Variants in CHST3 observed in about 807,000 individuals in gnomAD.
CHST3 encodes the protein carbohydrate sulfotransferase 3.
Under a neutral mutation model 35.4 loss-of-function variants are expected in CHST3, and 20 were observed. That is an observed-to-expected ratio of 0.57 (90% confidence interval 0.40 to 0.82). The LOEUF is 0.82. Ranked by LOEUF, CHST3 falls within the 40% of genes least tolerant of loss-of-function variation. The pLI, the probability that CHST3 is intolerant of heterozygous loss-of-function variation, is 0.00. For missense variants in CHST3, 693 were observed against 670.1 expected (o/e 1.03, Z -0.38); for synonymous variants, 334 against 295.9 (o/e 1.13, Z -1.32).
intron 1 of CHST3, among the ~76,000 whole-genome samples, chr10:71,989,910 T>C (rs1351669253): frequency 6.6e-6 from 1 of 152,224 alleles, no homozygotes; most frequent in Admixed American, 6.5e-5. Context: ...CTCCAGAACT[T>C]CCTCTTTCTT....
intron 1 of CHST3, among the ~76,000 whole-genome samples, chr10:71,966,127 G>A (rs1275188820): frequency 6.6e-6 from 1 of 152,166 alleles, no homozygotes; most frequent in Non-Finnish European, 1.5e-5. Context: ...GGGTGGGTAA[G>A]TGGAGAAAGA....
At chr10:72,002,570 C>T (rs1840003990) in intron 1 of CHST3, among the ~76,000 whole-genome samples, 1 of 152,234 alleles carries the variant, frequency 6.6e-6, no homozygotes, top group African/African-American at 2.4e-5. Flanking sequence ...TACAAGGTTG[C>T]ACAGCATGGT....
chr10:71,970,114 C>T (rs1485402709), intron 1 of CHST3, among the ~76,000 whole-genome samples: 1 of 152,150 alleles, frequency 6.6e-6, no homozygotes, highest in Admixed American at 6.5e-5. Context: ...CACGCTTCAG[C>T]CCTCTGTCTC....
chr10:71,999,191 T>C (rs1348588114), intron 1 of CHST3, among the ~76,000 whole-genome samples: 1 of 152,074 alleles, frequency 6.6e-6, no homozygotes, highest in Non-Finnish European at 1.5e-5. Flanking sequence ...AAGAACAAAA[T>C]TAAAAAATAA....
At chr10:71,991,675 G>A (rs1432729448) in intron 1 of CHST3, among the ~76,000 whole-genome samples, 1 of 152,174 alleles carries the variant, frequency 6.6e-6, no homozygotes, top group African/African-American at 2.4e-5. Context: ...GCTCGCACCT[G>A]TAATACCAGC....
chr10:71,968,064 C>T (rs1839649819), intron 1 of CHST3, among the ~76,000 whole-genome samples: 1 of 151,440 alleles, frequency 6.6e-6, no homozygotes, highest in East Asian at 1.9e-4. Context: ...GATCTGCTCA[C>T]CTCAGCCCCG....
At chr10:72,005,676 G>A in intron 1 of CHST3, 60 bp from the exon 2 acceptor site, 1 of 797,860 alleles carries the variant, frequency 1.3e-6, no homozygotes, top group Non-Finnish European at 2.0e-6. Context: ...CTGGTGGAGA[G>A]ACATCCTCTG....
At chr10:71,985,636 C>T (rs1839841079) in intron 1 of CHST3, among the ~76,000 whole-genome samples, 3 of 152,214 alleles carry the variant, frequency 2.0e-5, no homozygotes, top group Admixed American at 1.3e-4. Context: ...GAAACCCTGC[C>T]TCCTGTTGTG....
intron 1 of CHST3, among the ~76,000 whole-genome samples, chr10:72,003,562 G>A (rs1433310648): frequency 6.6e-6 from 1 of 152,126 alleles, no homozygotes; most frequent in African/African-American, 2.4e-5. Flanking sequence ...TTAGCTGGGA[G>A]TGGTGGCACA....
intron 1 of CHST3, among the ~76,000 whole-genome samples, chr10:72,004,154 C>G (rs148989229): frequency 3.3e-5 from 5 of 152,072 alleles, no homozygotes; most frequent in African/African-American, 9.7e-5. Flanking sequence ...GACGACAGAG[C>G]GAGACTCCAT....
At chr10:71,970,700 C>T (rs1206289335) in intron 1 of CHST3, among the ~76,000 whole-genome samples, 2 of 152,214 alleles carry the variant, frequency 1.3e-5, no homozygotes, top group African/African-American at 4.8e-5. Context: ...CAGACGGTGA[C>T]GTCTTGGTTG....
At chr10:71,969,880 G>A (rs7894831) in intron 1 of CHST3, among the ~76,000 whole-genome samples, 9,003 of 152,256 alleles carry the variant, frequency 0.059, 861 homozygotes, top group African/African-American at 0.2. Context: ...TGCTGCGAAG[G>A]AACACTCAGA....
At chr10:71,997,731 G>A (rs532231177) in intron 1 of CHST3, among the ~76,000 whole-genome samples, 28 of 135,850 alleles carry the variant, frequency 2.1e-4, no homozygotes, top group African/African-American at 5.5e-4. Flanking sequence ...GTGGGATCTC[G>A]GCGCACTGCA....
At chr10:71,983,345 C>A (rs1050608453) in intron 1 of CHST3, among the ~76,000 whole-genome samples, 6 of 152,230 alleles carry the variant, frequency 3.9e-5, no homozygotes, top group African/African-American at 1.4e-4. Flanking sequence ...CAGTGACAGC[C>A]ATTTATCTGG....
rs1564533060 is a variant in CHST3 at position 72,008,501 on chromosome 10, G to C, written c.*30G>C. 6.7e-7 allele frequency: 1 copy of C among 1,485,472 alleles called. No homozygotes were observed. The highest frequency in any genetic ancestry group is 9.0e-7 in the Non-Finnish European group (1 of 1,116,576). The allele number at this position is 1,485,472 out of a possible 1,614,324, so 92.0% of individuals were successfully genotyped here. A position where few individuals can be genotyped will look rare whatever the true frequency, so the allele number is the denominator to read the frequency against. The stretch of plus-strand genomic sequence containing the variant: ...GCCGGGGCCCCGTATGCCCCTCCTC[G>C]TGAAAGGCCTGCCCCGTCTTTCTGC... On this transcript the variant is annotated 3_prime_UTR_variant, in exon 3 of 3. Transcript: ENST00000373115.
At chr10:71,981,008 C>A (rs926223549) in intron 1 of CHST3, among the ~76,000 whole-genome samples, 1 of 152,202 alleles carries the variant, frequency 6.6e-6, no homozygotes, top group African/African-American at 2.4e-5. Context: ...GAACATAAAA[C>A]CCTCCCAGCC....
In CHST3 at chr10:72,007,770, T is replaced by C; in HGVS notation, c.739T>C (p.Cys247Arg). Reference sequence around the variant, plus strand: ...CAAGAAGGTCTTCGAGAAGTACCACTGCAAGAACCGCCGCTGCGGCCCCCT... The same window carrying C: ...CAAGAAGGTCTTCGAGAAGTACCACCGCAAGAACCGCCGCTGCGGCCCCCT... ...FVKKVFEKYHCKNRRCGPLNV... is the reference protein window; with the variant it reads ...FVKKVFEKYHRKNRRCGPLNV... The change falls in exon 3 of 3, where the codon TGC becomes CGC. Residue 247 changes from cysteine to arginine, a missense_variant. Physicochemically the swap from Cys to Arg is radical, Grantham distance 180. Transcript: ENST00000373115. 1 of 1,601,358 alleles carries C rather than the reference T, an allele frequency of 6.2e-7. No individual in the cohort carries two copies. The highest frequency in any genetic ancestry group is 8.5e-7 in the Non-Finnish European group (1 of 1,179,656).
intron 1 of CHST3, among the ~76,000 whole-genome samples, chr10:71,990,404 C>G (rs571819910): frequency 1.3e-5 from 2 of 152,162 alleles, no homozygotes; most frequent in Admixed American, 6.5e-5. Flanking sequence ...GCTCTTGTTG[C>G]CCAGGCTGGA....
intron 1 of CHST3, among the ~76,000 whole-genome samples, chr10:71,971,233 G>A (rs985350322): frequency 6.6e-6 from 1 of 152,166 alleles, no homozygotes; most frequent in African/African-American, 2.4e-5. Flanking sequence ...TTTGGGGAGT[G>A]GGGCACTGCT....
Sources: gnomAD v4.1 joint callset for allele counts (sites outside exome capture counted in the v4.1 genomes callset) on GRCh38, gnomAD v4.1.1 for gene constraint, MANE v1.5 for transcripts, NCBI Gene and HGNC (gene_info 2026-07-23, HGNC 2026-07-21) for gene names.